TRPC7: variants seen among roughly 807,000 people sequenced by gnomAD.
TRPC7 encodes short transient receptor potential channel 7.
TRPC7 carries 42 observed loss-of-function variants against 90.1 expected under a neutral mutation model. The observed-to-expected ratio is 0.47, with a 90% CI of 0.36 to 0.60. The LOEUF is 0.60. TRPC7 is among the 20% of genes least tolerant of loss of function. TRPC7 has a pLI of 0.00. For synonymous variants in TRPC7, 451 were observed against 436.3 expected, an observed-to-expected ratio of 1.03 and a Z score of -0.42; for missense variants, 955 against 1,112.3, an observed-to-expected ratio of 0.86 and a Z score of 2.01.
At chr5:136,230,089 A>G in intron 8 of TRPC7, among the ~76,000 whole-genome samples, 1 of 152,236 alleles carries the variant, frequency 6.6e-6, no homozygotes, top group East Asian at 1.9e-4. Flanking sequence ...CTAAAGTGTG[A>G]CTATATCACA....
intron 5 of TRPC7, among the ~76,000 whole-genome samples, chr5:136,258,242 C>G (rs1756745189): frequency 6.6e-6 from 1 of 152,164 alleles, no homozygotes; most frequent in African/African-American, 2.4e-5. Context: ...TTAAATTATT[C>G]CAGGGCCATA....
intron 3 of TRPC7, among the ~76,000 whole-genome samples, chr5:136,312,504 A>C (rs986370278): frequency 6.6e-6 from 1 of 152,140 alleles, no homozygotes; most frequent in African/African-American, 2.4e-5. Context: ...ACAAAAAAAA[A>C]CCTCTGTGAA....
At chr5:136,270,338 G>C (rs1757169086) in intron 4 of TRPC7, among the ~76,000 whole-genome samples, 1 of 152,142 alleles carries the variant, frequency 6.6e-6, no homozygotes, top group South Asian at 2.1e-4. Flanking sequence ...GATAAAAATA[G>C]TGCCAACTGC....
At chr5:136,290,238 TC>T (rs1226272258) in intron 3 of TRPC7, among the ~76,000 whole-genome samples, 1 of 152,148 alleles carries the variant, frequency 6.6e-6, no homozygotes, top group Non-Finnish European at 1.5e-5. Context: ...AGAGCGCCTC[TC>T]CTCATCCAAA....
At chr5:136,298,365 T>A (rs1455786060) in intron 3 of TRPC7, among the ~76,000 whole-genome samples, 1 of 152,096 alleles carries the variant, frequency 6.6e-6, no homozygotes, top group African/African-American at 2.4e-5. Context: ...GGGAGTTTGG[T>A]GTGAGGTGAG....
At chr5:136,244,795 A>G (rs1047565512) in intron 7 of TRPC7, among the ~76,000 whole-genome samples, 3 of 152,326 alleles carry the variant, frequency 2.0e-5, no homozygotes, top group Admixed American at 2.0e-4. Flanking sequence ...GCAGTTAATC[A>G]CTAAGTATTG....
At chr5:136,264,737 C>T (rs535705724) in intron 5 of TRPC7, among the ~76,000 whole-genome samples, 15 of 152,150 alleles carry the variant, frequency 9.9e-5, no homozygotes, top group East Asian at 3.9e-4. Flanking sequence ...GGATTACAGG[C>T]GCACACCACC....
intron 10 of TRPC7, among the ~76,000 whole-genome samples, chr5:136,218,744 C>G (rs1668462244): frequency 6.6e-6 from 1 of 152,122 alleles, no homozygotes. Context: ...CAGAGGAGCC[C>G]CTCAGGAGGA....
chr5:136,269,840 A>G (rs1387294713), intron 4 of TRPC7, among the ~76,000 whole-genome samples: 2 of 152,098 alleles, frequency 1.3e-5, no homozygotes, highest in Non-Finnish European at 2.9e-5. Context: ...ATGGGGTGGG[A>G]TAGTGGTGGT....
At chr5:136,303,798 G>T (rs950031594) in intron 3 of TRPC7, 6 of 151,494 alleles carry the variant, frequency 4.0e-5, no homozygotes, top group African/African-American at 1.5e-4. Context: ...CTGCCAGATC[G>T]CCTCGGAAGC....
intron 2 of TRPC7, among the ~76,000 whole-genome samples, chr5:136,334,105 C>G (rs1759580581): frequency 1.3e-5 from 2 of 152,034 alleles, no homozygotes; most frequent in South Asian, 4.2e-4. Flanking sequence ...GTGACCTATG[C>G]ATCTTATTTG....
chr5:136,219,226 G>A (rs1030034303), intron 10 of TRPC7, among the ~76,000 whole-genome samples: 4 of 152,162 alleles, frequency 2.6e-5, no homozygotes, highest in Non-Finnish European at 4.4e-5. Flanking sequence ...GCCCACTCTT[G>A]AGCACTGGCA....
Position 136,290,969 on chromosome 5 carries a change from A to G in TRPC7, c.964-16132T>C, listed in dbSNP as rs145080985. Among the ~76,000 whole-genome samples the G allele has an allele frequency of 3.4e-3, 517 of 152,366 alleles. 1 individual carries two copies. The highest frequency in any genetic ancestry group is 0.011 in the African/African-American group (476 of 41,588). ...CAGCAGAAACTCTGCAAGCCAGAAG[A>G]GAATGGGGGCCAATATTCAACATTC... On this transcript the variant is annotated intron_variant, in intron 3 of 11. Coordinates refer to ENST00000513104, the MANE Select transcript of TRPC7 (RefSeq NM_020389.3).
chr5:136,314,358 T>C (rs1758936935), intron 3 of TRPC7: 1 of 152,226 alleles, frequency 6.6e-6, no homozygotes, highest in Non-Finnish European at 1.5e-5. Context: ...CCCAGCGAGC[T>C]CTTGGTTTAA....
chr5:136,252,688 A>G (rs1437568356), intron 5 of TRPC7, among the ~76,000 whole-genome samples: 2 of 152,176 alleles, frequency 1.3e-5, no homozygotes, highest in Non-Finnish European at 2.9e-5. Context: ...ATCAGCCATG[A>G]GATTCTCATA....
chr5:136,356,079 C>T (rs1042908469), intron 2 of TRPC7, among the ~76,000 whole-genome samples: 8 of 152,184 alleles, frequency 5.3e-5, no homozygotes, highest in Admixed American at 2.0e-4. Flanking sequence ...TCCTCCTCAG[C>T]CCATTGACAA....
At chr5:136,257,383 A>G (rs1030645669) in intron 5 of TRPC7, among the ~76,000 whole-genome samples, 1 of 152,016 alleles carries the variant, frequency 6.6e-6, no homozygotes, top group African/African-American at 2.4e-5. Flanking sequence ...AGGTTTCACC[A>G]TATTGGCCAG....
intron 3 of TRPC7, among the ~76,000 whole-genome samples, chr5:136,288,265 C>T (rs1363650453): frequency 6.6e-6 from 1 of 152,112 alleles, no homozygotes; most frequent in African/African-American, 2.4e-5. Context: ...AGGCACAAAG[C>T]AAATTCATAC....
chr5:136,285,902 G>T (rs1757697550), intron 3 of TRPC7, among the ~76,000 whole-genome samples: 2 of 152,262 alleles, frequency 1.3e-5, no homozygotes, highest in South Asian at 4.1e-4. Context: ...AAAGTAGAAA[G>T]CTTCCTTGTG....
Sources: gnomAD v4.1 joint callset for allele counts (sites outside exome capture counted in the v4.1 genomes callset) on GRCh38, gnomAD v4.1.1 for gene constraint, MANE v1.5 for transcripts, NCBI Gene and HGNC (gene_info 2026-07-23, HGNC 2026-07-21) for gene names.